ENPP1: variants seen among roughly 807,000 people sequenced by gnomAD.
ENPP1 encodes the protein ectonucleotide pyrophosphatase/phosphodiesterase family member 1.
Under a neutral mutation model 122.8 loss-of-function variants are expected in ENPP1, and 73 were observed. That is an observed-to-expected ratio of 0.59 (90% CI 0.49 to 0.72). The LOEUF is 0.72. Among genes scored for constraint, ENPP1 ranks in the 30% least tolerant of loss-of-function variants. The pLI is 0.00. For missense variants in ENPP1, 978 were observed against 1,128.1 expected, an observed-to-expected ratio of 0.87 and a Z score of 1.91; for synonymous variants, 367 against 391.6, an observed-to-expected ratio of 0.94 and a Z score of 0.74.
At chr6:131,874,967 C>G (rs571236382) in intron 16 of ENPP1, among the ~76,000 whole-genome samples, 52 of 152,082 alleles carry the variant, frequency 3.4e-4, no homozygotes, top group African/African-American at 1.2e-3. Flanking sequence ...AAACAAAAAG[C>G]TAAAAATCAC....
At chr6:131,816,970 A>G (rs761372169) in intron 1 of ENPP1, among the ~76,000 whole-genome samples, 19 of 152,186 alleles carry the variant, frequency 1.2e-4, no homozygotes, top group Non-Finnish European at 2.4e-4. Flanking sequence ...GGGAAGTGTT[A>G]AAGACAGAGA....
intron 20 of ENPP1, among the ~76,000 whole-genome samples, chr6:131,881,587 A>G (rs115425700): frequency 0.015 from 2,358 of 152,280 alleles, 72 homozygotes; most frequent in African/African-American, 0.054. Flanking sequence ...ATTTTACTAT[A>G]TAAAAGCTTA....
intron 9 of ENPP1, among the ~76,000 whole-genome samples, chr6:131,863,226 A>T (rs1782045664): frequency 6.6e-6 from 1 of 152,180 alleles, no homozygotes; most frequent in Non-Finnish European, 1.5e-5. Flanking sequence ...AAAAGAAGAT[A>T]TTAATGGTAC....
intron 9 of ENPP1, among the ~76,000 whole-genome samples, chr6:131,862,253 A>G (rs1336391526): frequency 6.6e-6 from 1 of 152,150 alleles, no homozygotes; most frequent in Non-Finnish European, 1.5e-5. Context: ...AACACCGATA[A>G]CGTGTTTAGT....
At position 131,869,369 on chromosome 6, in the gene ENPP1, G is replaced by A. The variant is rs1585830543; in HGVS notation, c.1285G>A (p.Gly429Ser). The change falls in exon 13 of 25, where the codon GGC becomes AGC. Residue 429 changes from glycine (G) to serine (S), a missense_variant. This residue lies in a region of ENPP1 where 644 missense variants were observed against 781.5 expected (regional missense o/e 0.82). Transcript: ENST00000647893. ...ILISDHGMEQ[G>S]SCKKYIYLNK... is the part of the protein sequence containing the mutation. Reference sequence around the variant, plus strand: ...TTTTTTTCTCCTAGGCATGGAACAAGGCAGTTGTAAGAAATACATATATCT... The same window carrying A: ...TTTTTTTCTCCTAGGCATGGAACAAAGCAGTTGTAAGAAATACATATATCT... 1.9e-6 allele frequency: 3 copies of A among 1,613,386 alleles called. No individual in the cohort carries two copies. Among genetic ancestry groups the A allele is most frequent in the Non-Finnish European group, 1.7e-6 (2 of 1,179,626 alleles).
rs71030768 is a variant in ENPP1, at chr6:131,887,559, A to ATTTTT, written c.2607+848_2607+852dup. Among the ~76,000 whole-genome samples, 8 of 86,328 alleles carry ATTTTT rather than the reference A, an allele frequency of 9.3e-5. 1 individual carries two copies. The highest frequency in any genetic ancestry group is 2.3e-4 in the African/African-American group (4 of 17,240). 56.6% of individuals were successfully genotyped at this position (86,328 alleles called of 152,430 possible). Reference sequence around the variant, plus strand: ...AGGCGCCCGCCACCACACCCAGCTAATTTTTTTTTTTTTTTTTGAGACAGA... The same window carrying ATTTTT: ...AGGCGCCCGCCACCACACCCAGCTAATTTTTTTTTTTTTTTTTTTTTTGAGACAGA... On this transcript the variant is annotated intron_variant, in intron 24 of 24. Coordinates refer to ENST00000647893, the MANE Select transcript of ENPP1 (RefSeq NM_006208.3).
intron 1 of ENPP1, among the ~76,000 whole-genome samples, chr6:131,813,529 CAAA>C (rs112662261): frequency 7.8e-6 from 1 of 128,848 alleles, no homozygotes; most frequent in African/African-American, 2.8e-5. Context: ...GACTCTGTCT[CAAA>C]AAAAAAAAAG....
chr6:131,826,092 C>T, intron 1 of ENPP1: 1 of 793,960 alleles, frequency 1.3e-6, no homozygotes, highest in Non-Finnish European at 2.3e-6. Context: ...GATATCCTTC[C>T]AGTTCAGGAG....
At chr6:131,844,699 A>G (rs1449387582) in intron 1 of ENPP1, among the ~76,000 whole-genome samples, 1 of 152,222 alleles carries the variant, frequency 6.6e-6, no homozygotes, top group African/African-American at 2.4e-5. Context: ...GCCATGGTGC[A>G]ATAGACTCCA....
intron 1 of ENPP1, among the ~76,000 whole-genome samples, chr6:131,829,147 C>T (rs1378982931): frequency 6.6e-6 from 1 of 152,238 alleles, no homozygotes; most frequent in African/African-American, 2.4e-5. Flanking sequence ...GAGGCTTTTC[C>T]TTGCAGTCCA....
chr6:131,819,129 AGAAT>A (rs1781453537), intron 1 of ENPP1, among the ~76,000 whole-genome samples: 1 of 152,222 alleles, frequency 6.6e-6, no homozygotes, highest in African/African-American at 2.4e-5. Context: ...AACATTTGGA[AGAAT>A]GATAGAACTT....
At chr6:131,841,570 G>A (rs1781741378) in intron 1 of ENPP1, among the ~76,000 whole-genome samples, 1 of 152,104 alleles carries the variant, frequency 6.6e-6, no homozygotes, top group African/African-American at 2.4e-5. Context: ...GGAAAATTAG[G>A]GGATTTATGG....
rs34248452 is a variant in ENPP1, at chr6:131,878,403, G to GA, written c.1894-130dup. 2,515 of 688,674 alleles carry GA rather than the reference G, an allele frequency of 3.7e-3. 5 individuals are homozygous for GA. Among genetic ancestry groups the GA allele is most frequent in the Admixed American group, 5.2e-3 (252 of 48,230 alleles). The allele number at this position is 688,674 out of a possible 1,614,324, so 42.7% of individuals were successfully genotyped here. ...AGAGCAACACTCTTGCCTTGAAAGA[G>GA]AAAAAAAAATCCACTAATACAAGAC... On this transcript the variant is annotated intron_variant, in intron 18 of 24. Coordinates refer to ENST00000647893, the MANE Select transcript of ENPP1 (RefSeq NM_006208.3).
chr6:131,842,713 C>A (rs1214563766), intron 1 of ENPP1, among the ~76,000 whole-genome samples: 1 of 152,066 alleles, frequency 6.6e-6, no homozygotes, highest in African/African-American at 2.4e-5. Context: ...TAATGCTTCC[C>A]CCGGCCAACT....
intron 1 of ENPP1, among the ~76,000 whole-genome samples, chr6:131,830,960 A>C (rs551680748): frequency 1.3e-5 from 2 of 152,000 alleles, no homozygotes; most frequent in South Asian, 4.2e-4. Context: ...AAAAATACGG[A>C]AAATTAGCTG....
intron 12 of ENPP1, among the ~76,000 whole-genome samples, chr6:131,868,959 G>C (rs1292632692): frequency 6.6e-6 from 1 of 152,150 alleles, no homozygotes. Flanking sequence ...TTTAGAAGCA[G>C]TCCTAAGAAG....
At chr6:131,826,835 G>A in intron 1 of ENPP1, 1 of 383,260 alleles carries the variant, frequency 2.6e-6, no homozygotes, top group Non-Finnish European at 4.9e-6. Flanking sequence ...GGAGAACACA[G>A]CCTCCCTGTG....
chr6:131,842,959 G>A (rs1299299091), intron 1 of ENPP1, among the ~76,000 whole-genome samples: 1 of 152,088 alleles, frequency 6.6e-6, no homozygotes, highest in East Asian at 1.9e-4. Context: ...AACTAAAGAA[G>A]CAGGAAACTC....
chr6:131,829,159 C>T (rs1257508105), intron 1 of ENPP1, among the ~76,000 whole-genome samples: 1 of 152,256 alleles, frequency 6.6e-6, no homozygotes, highest in African/African-American at 2.4e-5. Flanking sequence ...TGCAGTCCAT[C>T]TGTTGGGTCC....
Sources: allele counts gnomAD v4.1 joint callset (sites outside exome capture counted in the v4.1 genomes callset), GRCh38; gene constraint gnomAD v4.1.1; regional missense constraint gnomAD v4.1.1; transcripts MANE v1.5; gene names NCBI Gene and HGNC (gene_info 2026-07-23, HGNC 2026-07-21).